FUBP3: variants seen among roughly 807,000 people sequenced by gnomAD.
FUBP3 encodes the protein far upstream element-binding protein 3.
In FUBP3, 28 loss-of-function variants were observed where a neutral mutation model predicts 85.6. The ratio of observed to expected loss-of-function variants is 0.33; its 90% confidence interval spans 0.24 to 0.45. FUBP3 has a LOEUF of 0.45. Among genes scored for constraint, FUBP3 ranks in the 20% least tolerant of loss-of-function variants. The probability of loss-of-function intolerance (pLI) is 1.00; values close to 1 mark genes in which losing one functional copy is unlikely to be tolerated. For missense variants in FUBP3, 583 were observed against 755.1 expected (o/e 0.77, Z 2.67); for synonymous variants, 271 against 271.4 (o/e 1.00, Z 0.01).
At chr9:130,597,233 C>T (rs971889714) in intron 2 of FUBP3, among the ~76,000 whole-genome samples, 3 of 151,936 alleles carry the variant, frequency 2.0e-5, no homozygotes, top group Non-Finnish European at 4.4e-5. Context: ...GACTGGATCT[C>T]ATTCTTTTTT....
chr9:130,608,006 A>T (rs1047313610), intron 2 of FUBP3, among the ~76,000 whole-genome samples: 4 of 152,252 alleles, frequency 2.6e-5, no homozygotes, highest in African/African-American at 9.6e-5. Context: ...TTTGCCAACA[A>T]AAAGGAATTG....
At position 130,616,306 on chromosome 9, in the gene FUBP3, G is replaced by A; in HGVS notation, c.405-49G>A. ...GCTATTTCCCTGTCTTGCACACTTAGAGCCTCCATTTAATGCTGGTTCTCT... is the reference window on the plus strand; with the variant it reads ...GCTATTTCCCTGTCTTGCACACTTAAAGCCTCCATTTAATGCTGGTTCTCT... On this transcript the variant is annotated intron_variant, in intron 6 of 18. Coordinates refer to ENST00000319725, the MANE Select transcript of FUBP3 (RefSeq NM_003934.2). The surrounding 1 kb of genome is among the most constrained non-coding windows in gnomAD (Gnocchi z 4.7). 6.3e-7 allele frequency: 1 copy of A among 1,587,402 alleles called. No individual in the cohort carries two copies. Among genetic ancestry groups the A allele is most frequent in the Non-Finnish European group, 8.6e-7 (1 of 1,157,086 alleles).
At chr9:130,601,386 A>C (rs1831145200) in intron 2 of FUBP3, among the ~76,000 whole-genome samples, 1 of 152,072 alleles carries the variant, frequency 6.6e-6, no homozygotes, top group Admixed American at 6.5e-5. Flanking sequence ...AAGCCTTTCC[A>C]GTTTTCTTCC....
rs1831808231 is a variant in FUBP3, at chr9:130,612,701, AGAGCACTG to A, written c.274+199_274+206del. On this transcript the variant is annotated intron_variant, in intron 4 of 18. Transcript: ENST00000319725. The surrounding 1 kb of genome is among the most constrained non-coding windows in gnomAD (Gnocchi z 4.1). ...GTCTCTTCAGGCTGAGGGAGAAACC[AGAGCACTG>A]GACTGTGGATGTCCCTCCCTTCCCC... 6.6e-6 allele frequency among the ~76,000 whole-genome samples: 1 copy of A among 152,164 alleles called. No homozygotes were observed. The highest frequency in any genetic ancestry group is 2.4e-5 in the African/African-American group (1 of 41,430).
rs1408832255 is a variant in FUBP3 at position 130,612,627 on chromosome 9, A to G, written c.274+122A>G. The G allele has an allele frequency of 2.8e-6, 2 of 725,918 alleles. No homozygotes were observed. The highest frequency in any genetic ancestry group is 4.9e-6 in the Non-Finnish European group (2 of 408,316). The allele number at this position is 725,918 out of a possible 1,614,324, so 45.0% of individuals were successfully genotyped here. A position where few individuals can be genotyped will look rare whatever the true frequency, so the allele number is the denominator to read the frequency against. On this transcript the variant is annotated intron_variant, in intron 4 of 18. Coordinates refer to ENST00000319725, the MANE Select transcript of FUBP3 (RefSeq NM_003934.2). The surrounding 1 kb of genome is among the most constrained non-coding windows in gnomAD (Gnocchi z 4.1). ...AATCTCTCTTGTGAGTATCACCTGT[A>G]GTAGAATGCTTTGCACATGCCATTC...
intron 16 of FUBP3, among the ~76,000 whole-genome samples, chr9:130,634,234 AC>A (rs1830328010): frequency 6.6e-6 from 1 of 152,086 alleles, no homozygotes; most frequent in Non-Finnish European, 1.5e-5. Context: ...CCAGGAGCCC[AC>A]TGGTGCTGCC....
At chr9:130,580,705 C>T (rs1830099587) in intron 1 of FUBP3, 2 of 152,166 alleles carry the variant, frequency 1.3e-5, no homozygotes, top group South Asian at 2.1e-4. Context: ...CACTCGGGCG[C>T]TTGAAGATAT....
At chr9:130,600,310 G>A (rs143766983) in intron 2 of FUBP3, among the ~76,000 whole-genome samples, 2 of 152,028 alleles carry the variant, frequency 1.3e-5, no homozygotes, top group African/African-American at 2.4e-5. Flanking sequence ...ATAAAGACTG[G>A]CTTCATTTCC....
At chr9:130,627,300 G>A (rs1830017286) in intron 12 of FUBP3, among the ~76,000 whole-genome samples, 1 of 152,240 alleles carries the variant, frequency 6.6e-6, no homozygotes, top group African/African-American at 2.4e-5. Flanking sequence ...GGGGACTCCC[G>A]TTGTCACTGG....
chr9:130,603,904 A>G (rs543681406), intron 2 of FUBP3, among the ~76,000 whole-genome samples: 163 of 152,330 alleles, frequency 1.1e-3, no homozygotes, highest in Non-Finnish European at 2.0e-3. Context: ...TTGGGCATTT[A>G]TCCCCAAGAA....
intron 1 of FUBP3, among the ~76,000 whole-genome samples, chr9:130,580,179 C>T (rs920661921): frequency 2.0e-5 from 3 of 152,172 alleles, no homozygotes; most frequent in Non-Finnish European, 2.9e-5. Context: ...TGGGGAACAT[C>T]GTCTTTAGAC....
chr9:130,596,469 T>C lies in FUBP3; in HGVS notation c.190+881T>C, dbSNP rs369345686. Among the ~76,000 whole-genome samples the C allele has an allele frequency of 1.4e-3, 207 of 152,252 alleles. 3 individuals are homozygous for C. Among genetic ancestry groups the C allele is most frequent in the African/African-American group, 4.9e-3 (202 of 41,536 alleles). On this transcript the variant is annotated intron_variant, in intron 2 of 18. Transcript: ENST00000319725. The stretch of plus-strand genomic sequence containing the variant: ...GCATATTTTTATATACATAGAAAAA[T>C]ATAATTTGCCATGACTCATTTCTCT...
rs1238307248 is a variant in FUBP3 at position 130,616,935 on chromosome 9, A to G, written c.567+418A>G. ...AGGTTCAGGGTCTTTGTGTGTCAAA[A>G]GGGGCAAGTGCAGGCTTCACTGTTG... On this transcript the variant is annotated intron_variant, in intron 7 of 18. Coordinates refer to ENST00000319725, the MANE Select transcript of FUBP3 (RefSeq NM_003934.2). The surrounding 1 kb of genome is among the most constrained non-coding windows in gnomAD (Gnocchi z 4.7). Among the ~76,000 whole-genome samples, 1 of 152,232 alleles carries G rather than the reference A, an allele frequency of 6.6e-6. No homozygotes were observed. The highest frequency in any genetic ancestry group is 1.5e-5 in the Non-Finnish European group (1 of 68,042).
chr9:130,608,942 C>A (rs765848201), intron 2 of FUBP3, among the ~76,000 whole-genome samples: 1 of 152,144 alleles, frequency 6.6e-6, no homozygotes, highest in Non-Finnish European at 1.5e-5. Flanking sequence ...ATTGTCAAAC[C>A]ATTTCATTCT....
intron 2 of FUBP3, among the ~76,000 whole-genome samples, chr9:130,599,301 A>G (rs530181030): frequency 1.3e-4 from 20 of 152,198 alleles, no homozygotes; most frequent in African/African-American, 4.8e-4. Flanking sequence ...CAAAAAATAC[A>G]TATATACATA....
intron 2 of FUBP3, among the ~76,000 whole-genome samples, chr9:130,596,351 C>G (rs1197668370): frequency 3.3e-5 from 5 of 152,056 alleles, no homozygotes; most frequent in Non-Finnish European, 7.4e-5. Context: ...TGTACCCAAT[C>G]ATTTATGTTT....
At chr9:130,593,205 G>C (rs960708609) in intron 1 of FUBP3, among the ~76,000 whole-genome samples, 3 of 152,184 alleles carry the variant, frequency 2.0e-5, no homozygotes, top group African/African-American at 7.2e-5. Flanking sequence ...AGCACGCTCT[G>C]TGTGACATTA....
intron 9 of FUBP3, among the ~76,000 whole-genome samples, chr9:130,622,017 C>T (rs184231820): frequency 8.9e-4 from 135 of 150,886 alleles, no homozygotes; most frequent in African/African-American, 3.1e-3. Context: ...AACTAAGTTG[C>T]GTGTTAAAAA....
In FUBP3 at chr9:130,613,003, G is replaced by A; in HGVS notation, c.322G>A (p.Gly108Ser). The change falls in exon 5 of 19, where the codon GGT becomes AGT. Residue 108 changes from glycine (G) to serine (S), a missense_variant. Around this residue, in one of 3 missense-constraint regions of FUBP3, gnomAD observed 177 missense variants for 221.9 expected, o/e 0.80. Coordinates refer to ENST00000319725, the MANE Select transcript of FUBP3 (RefSeq NM_003934.2). ...EQISRIQAES[G>S]CKIQIASESS... The stretch of plus-strand genomic sequence containing the variant: ...GATTTCACGGATTCAAGCAGAATCT[G>A]GTTGCAAAATTCAGATTGCTTCAGG... The A allele has an allele frequency of 6.2e-7, 1 of 1,612,240 alleles. No homozygotes were observed. Among genetic ancestry groups the A allele is most frequent in the South Asian group, 1.1e-5 (1 of 91,006 alleles).
Sources: allele counts gnomAD v4.1 joint callset (sites outside exome capture counted in the v4.1 genomes callset), GRCh38; gene constraint gnomAD v4.1.1; regional missense constraint gnomAD v4.1.1; non-coding constraint Gnocchi (gnomAD v3.1); transcripts MANE v1.5; gene names NCBI Gene and HGNC (gene_info 2026-07-23, HGNC 2026-07-21).